The following PDE1C variants were observed in gnomAD, a reference collection of about 807,000 sequenced individuals.
The protein encoded by PDE1C is phosphodiesterase 1C.
In PDE1C, 62 loss-of-function variants were observed where a neutral mutation model predicts 93.1. The observed-to-expected ratio is 0.67, with a 90% CI of 0.54 to 0.82. The LOEUF (loss-of-function observed/expected upper bound fraction) is 0.82. PDE1C is among the 40% of genes least tolerant of loss of function. The probability of loss-of-function intolerance (pLI) is 0.00; values close to 1 mark genes in which losing one functional copy is unlikely to be tolerated. For missense variants in PDE1C, 742 were observed against 884.6 expected (o/e 0.84, Z 2.04); for synonymous variants, 325 against 310.1 (o/e 1.05, Z -0.50).
At chr7:32,232,926 A>G (rs529110540) in intron 1 of PDE1C, among the ~76,000 whole-genome samples, 2 of 152,328 alleles carry the variant, frequency 1.3e-5, no homozygotes, top group East Asian at 3.9e-4. Context: ...AAATATCAAC[A>G]TTCTACATAA....
intron 5 of PDE1C, among the ~76,000 whole-genome samples, chr7:31,875,358 C>T (rs553746125): frequency 2.4e-4 from 36 of 152,216 alleles, no homozygotes; most frequent in African/African-American, 6.7e-4. Context: ...GACAGTGAGA[C>T]GGATGTCCTC....
the PDE1C span, among the ~76,000 whole-genome samples, chr7:31,673,979 T>G: frequency 1.3e-3 from 196 of 152,300 alleles, 1 homozygote; most frequent in African/African-American, 4.5e-3. Flanking sequence ...GGGGCATGCA[T>G]TTCATTCACA....
the PDE1C span, chr7:31,651,008 C>A: frequency 1.1e-6 from 1 of 915,984 alleles, no homozygotes; most frequent in African/African-American, 1.7e-5. Flanking sequence ...CTTCCTATTC[C>A]CTCCCCCTTA....
At chr7:32,282,090 C>A (rs142586907) in intron 1 of PDE1C, among the ~76,000 whole-genome samples, 3,023 of 150,316 alleles carry the variant, frequency 0.02, 49 homozygotes, top group South Asian at 0.04. Flanking sequence ...CAAACCAACA[C>A]GGCACATGTA....
At chr7:32,142,633 A>C (rs1025044718) in intron 3 of PDE1C, among the ~76,000 whole-genome samples, 1 of 152,028 alleles carries the variant, frequency 6.6e-6, no homozygotes, top group African/African-American at 2.4e-5. Flanking sequence ...CCTCTAAGAC[A>C]TCCCACACCA....
the PDE1C span, among the ~76,000 whole-genome samples, chr7:31,692,849 G>C: frequency 1.3e-5 from 2 of 152,214 alleles, no homozygotes; most frequent in African/African-American, 4.8e-5. Flanking sequence ...TGTCAGTACA[G>C]CTTGTTTCCA....
chr7:32,425,420 T>C (rs1381084672), intron 1 of PDE1C, among the ~76,000 whole-genome samples: 1 of 152,176 alleles, frequency 6.6e-6, no homozygotes, highest in African/African-American at 2.4e-5. Context: ...TAATTTTGCA[T>C]AAGTATCCTA....
chr7:32,113,236 A>AATATAT (rs35138046), intron 3 of PDE1C, among the ~76,000 whole-genome samples: 8,254 of 93,766 alleles, frequency 0.088, 619 homozygotes, highest in Non-Finnish European at 0.1. Context: ...ATTGTCCTTA[A>AATATAT]ATATATATAT....
chr7:32,169,445 C>A (rs1175210285), intron 3 of PDE1C, among the ~76,000 whole-genome samples: 3 of 152,190 alleles, frequency 2.0e-5, no homozygotes, highest in Admixed American at 2.0e-4. Context: ...CGTGCTTTTT[C>A]TCTATGCCCT....
At chr7:32,184,302 A>G (rs568934597) in intron 2 of PDE1C, among the ~76,000 whole-genome samples, 1 of 152,354 alleles carries the variant, frequency 6.6e-6, no homozygotes, top group East Asian at 1.9e-4. Context: ...TACTGGGTAT[A>G]TACCCAAAGG....
At position 32,132,142 on chromosome 7, in the gene PDE1C, G is replaced by C. The variant is rs567084877; in HGVS notation, c.308+37643C>G. Among the ~76,000 whole-genome samples, 46 of 152,130 alleles carry C rather than the reference G, an allele frequency of 3.0e-4. 1 individual carries two copies. The highest frequency in any genetic ancestry group is 1.0e-3 in the African/African-American group (43 of 41,428). ...TAAAGGGTGCTTCAAGCAGAGGAAA[G>C]ATTAAATGTAAGGCTTTGAGCAGAA... On this transcript the variant is annotated intron_variant, in intron 3 of 18. Transcript: ENST00000396193.
At position 31,752,131 on chromosome 7, in the gene PDE1C, G is replaced by A. The variant is rs758815204; in HGVS notation, c.*1253C>T. The A allele has an allele frequency of 1.3e-5, 2 of 152,134 alleles. No homozygotes were observed. Among genetic ancestry groups the A allele is most frequent in the Non-Finnish European group, 2.9e-5 (2 of 68,024 alleles). 9.4% of individuals were successfully genotyped at this position (152,134 alleles called of 1,614,324 possible). On this transcript the variant is annotated 3_prime_UTR_variant, in exon 18 of 18. Coordinates refer to ENST00000396191, the MANE Select transcript of PDE1C (RefSeq NM_001191057.4). The stretch of plus-strand genomic sequence containing the variant: ...CAAAAAATTATGCCATCCGAGCAAG[G>A]ACCTGCAACTAGTTATAGACAGAAT...
In PDE1C at chr7:32,406,050, C is replaced by T. The variant is rs1010119772; in HGVS notation, c.310+21772G>A. On this transcript the variant is annotated intron_variant, in intron 1 of 1. Coordinates refer to the PDE1C transcript ENST00000672256. The stretch of plus-strand genomic sequence containing the variant: ...AAACTCAACAGCCCCCTGAGGTAGA[C>T]GTTACAAGTTATTAGTATCTTCATG... Among the ~76,000 whole-genome samples, 5 of 152,112 alleles carry T rather than the reference C, an allele frequency of 3.3e-5. No homozygotes were observed. The East Asian group carries it at 5.8e-4, about 18-fold the overall frequency.
intron 1 of PDE1C, among the ~76,000 whole-genome samples, chr7:32,336,602 GAAA>G (rs1034703689): frequency 6.6e-6 from 1 of 151,938 alleles, no homozygotes; most frequent in Non-Finnish European, 1.5e-5. Flanking sequence ...CTCTGTGAAG[GAAA>G]AAAACAAAGC....
chr7:32,070,377 T>G lies in PDE1C; in HGVS notation c.17A>C (p.Lys6Thr), dbSNP rs758222290. MESPT[K>T]EIEEFESNSL... is the part of the protein sequence containing the mutation. ...GTTGCTCTCAAATTCTTCAATCTCC[T>G]TGGTTGGCGACTCCATAGCTGCAGG... is the stretch of plus-strand genomic sequence containing the variant. The change falls in exon 1 of 18, where the codon AAG (lysine) becomes ACG (threonine). Residue 6 changes from lysine (K) to threonine (T), a missense_variant. By Grantham distance (78) the Lys-to-Thr change is moderately conservative. This residue lies in a region of PDE1C where 74 missense variants were observed against 88.2 expected (regional missense o/e 0.84). Coordinates refer to ENST00000396191, the MANE Select transcript of PDE1C (RefSeq NM_001191057.4). 1.2e-6 allele frequency: 2 copies of G among 1,614,218 alleles called. No individual in the cohort carries two copies. Among genetic ancestry groups the G allele is most frequent in the Non-Finnish European group, 1.7e-6 (2 of 1,180,034 alleles).
At chr7:32,165,043 T>G (rs1213423410) in intron 3 of PDE1C, among the ~76,000 whole-genome samples, 1 of 152,232 alleles carries the variant, frequency 6.6e-6, no homozygotes, top group African/African-American at 2.4e-5. Flanking sequence ...CCTTTTTCTT[T>G]ATTTGTGGTT....
At chr7:32,268,237 G>A (rs1404832171) in intron 1 of PDE1C, among the ~76,000 whole-genome samples, 1 of 152,202 alleles carries the variant, frequency 6.6e-6, no homozygotes, top group Non-Finnish European at 1.5e-5. Context: ...GCTCAAGAAG[G>A]TGTCTTGCTC....
At chr7:31,819,307 T>C (rs1788663479) in intron 14 of PDE1C, among the ~76,000 whole-genome samples, 1 of 152,146 alleles carries the variant, frequency 6.6e-6, no homozygotes, top group South Asian at 2.1e-4. Flanking sequence ...GAAAATATAT[T>C]GACAGGAGGT....
intron 3 of PDE1C, among the ~76,000 whole-genome samples, chr7:32,107,880 T>C (rs1375043800): frequency 2.0e-5 from 3 of 152,072 alleles, no homozygotes; most frequent in African/African-American, 4.8e-5. Flanking sequence ...GGAGGGATGA[T>C]TGGGAATTCT....
Sources: allele counts gnomAD v4.1 joint callset (sites outside exome capture counted in the v4.1 genomes callset), GRCh38; gene constraint gnomAD v4.1.1; regional missense constraint gnomAD v4.1.1; transcripts MANE v1.5; gene names NCBI Gene and HGNC (gene_info 2026-07-23, HGNC 2026-07-21).